The following MYOM2 variants were observed in gnomAD, a reference collection of about 807,000 sequenced individuals.
The protein encoded by MYOM2 is myomesin 2, also known as myomesin-2.
A neutral mutation model predicts 187.6 loss-of-function variants in MYOM2; 254 were observed. The ratio of observed to expected loss-of-function variants is 1.35; its 90% CI spans 1.22 to 1.50. MYOM2 has a LOEUF of 1.50. Among genes scored for constraint, MYOM2 ranks in the 40% most tolerant of loss-of-function variants. The pLI, the probability that MYOM2 is intolerant of heterozygous loss-of-function variation, is 0.00. For missense variants in MYOM2, 2,796 were observed against 1,924.0 expected (o/e 1.45, Z -8.48); for synonymous variants, 981 against 753.8 (o/e 1.30, Z -4.94).
intron 10 of MYOM2, among the ~76,000 whole-genome samples, chr8:2,075,917 T>G (rs1188569964): frequency 6.6e-6 from 1 of 152,242 alleles, no homozygotes; most frequent in East Asian, 1.9e-4. Flanking sequence ...ACTCAGTGTT[T>G]TATCAAGGAT....
intron 25 of MYOM2, among the ~76,000 whole-genome samples, chr8:2,114,094 T>C (rs915430207): frequency 2.0e-5 from 3 of 152,202 alleles, no homozygotes; most frequent in African/African-American, 4.8e-5. Flanking sequence ...GAAGTCTCCC[T>C]TGGAGCCAGT....
Position 2,106,544 on chromosome 8 carries a change from T to G in MYOM2, c.2945T>G (p.Val982Gly), listed in dbSNP as rs754812111. 3.7e-6 allele frequency: 6 copies of G among 1,612,122 alleles called. No homozygotes were observed. In the Admixed American group the frequency reaches 6.7e-5, roughly 18 times the overall value. The change falls in exon 23 of 37, where the codon GTG becomes GGG. Residue 982 changes from valine to glycine, a missense_variant. Transcript: ENST00000262113. ...PDKEDLGTYS[V>G]SVSDTDGVSS... is the part of the protein sequence containing the mutation. ...AAGGAGGATTTAGGGACTTACTCCGTGTCTGTAAGTGATACAGACGGAGTG... is the reference window on the plus strand; with the variant it reads ...AAGGAGGATTTAGGGACTTACTCCGGGTCTGTAAGTGATACAGACGGAGTG...
Position 2,128,087 on chromosome 8 carries a change from T to A in MYOM2, c.3695-1040T>A, listed in dbSNP as rs539402468. ...ATTAACATTCACTTTAAAAAATAAT[T>A]ACTTATTATTTCATGGAACCACATA... is the stretch of plus-strand genomic sequence containing the variant. On this transcript the variant is annotated intron_variant, in intron 31 of 36. Coordinates refer to ENST00000262113, the MANE Select transcript of MYOM2 (RefSeq NM_003970.4). Among the ~76,000 whole-genome samples the A allele has an allele frequency of 1.5e-4, 23 of 152,312 alleles. No individual in the cohort carries two copies. The South Asian group carries it at 4.3e-3, about 29-fold the overall frequency.
At chr8:2,131,643 C>CTTTT (rs5888888) in intron 32 of MYOM2, among the ~76,000 whole-genome samples, 1 of 113,948 alleles carries the variant, frequency 8.8e-6, no homozygotes. Flanking sequence ...GCATTTCTTT[C>CTTTT]TTTTTTTTTT....
intron 3 of MYOM2, among the ~76,000 whole-genome samples, 170 bp downstream of exon 3, chr8:2,052,483 T>A (rs1265678946): frequency 6.6e-6 from 1 of 152,206 alleles, no homozygotes; most frequent in Non-Finnish European, 1.5e-5. Context: ...CCTGCTTCTC[T>A]TTACCATCAT....
chr8:2,125,744 A>G (rs1015968077), intron 31 of MYOM2, among the ~76,000 whole-genome samples: 3 of 149,302 alleles, frequency 2.0e-5, no homozygotes, highest in African/African-American at 7.4e-5. Flanking sequence ...AGTAGCTGGG[A>G]CTACAGGCAC....
Position 2,136,747 on chromosome 8 carries a change from T to C in MYOM2, c.3801-3976T>C, listed in dbSNP as rs1371272236. Among the ~76,000 whole-genome samples, 5 of 152,216 alleles carry C rather than the reference T, an allele frequency of 3.3e-5. No homozygotes were observed. The East Asian group carries it at 9.6e-4, about 29-fold the overall frequency. ...GAATGATCGCGTGAAGGTGTACCTT[T>C]TTCCCTTGTCACCTATATCAAAATA... On this transcript the variant is annotated intron_variant, in intron 32 of 36. Transcript: ENST00000262113.
At chr8:2,120,680 T>TATA in intron 28 of MYOM2, among the ~76,000 whole-genome samples, 3,095 of 48,112 alleles carry the variant, frequency 0.064, 379 homozygotes, top group African/African-American at 0.098. Flanking sequence ...ATATATTATA[T>TATA]TATATATAAA....
intron 27 of MYOM2, among the ~76,000 whole-genome samples, chr8:2,117,511 G>A (rs916782098): frequency 7.2e-5 from 11 of 151,960 alleles, no homozygotes; most frequent in African/African-American, 1.5e-4. Context: ...CCATGTTGTC[G>A]AATGTTCAGT....
At chr8:2,066,812 T>C (rs1819034692) in intron 6 of MYOM2, among the ~76,000 whole-genome samples, 1 of 152,262 alleles carries the variant, frequency 6.6e-6, no homozygotes, top group Non-Finnish European at 1.5e-5. Flanking sequence ...TTACACACAC[T>C]GTTGCTTTGC....
intron 32 of MYOM2, among the ~76,000 whole-genome samples, chr8:2,135,096 T>G (rs73657752): frequency 0.13 from 19,737 of 152,098 alleles, 2,172 homozygotes; most frequent in African/African-American, 0.28. Flanking sequence ...GTTCCTTTCC[T>G]GAGCTGTAAA....
chr8:2,057,402 C>A lies in MYOM2; in HGVS notation c.318C>A (p.Ser106Arg), dbSNP rs145819260. The A allele has an allele frequency of 6.2e-7, 1 of 1,613,898 alleles. No homozygotes were observed. Among genetic ancestry groups the A allele is most frequent in the Non-Finnish European group, 8.5e-7 (1 of 1,179,944 alleles). ...YGEAKRQRFLSELAHLEEDVH... is the reference protein window; with the variant it reads ...YGEAKRQRFLRELAHLEEDVH... The stretch of plus-strand genomic sequence containing the variant: ...AGGCCAAGCGACAGCGCTTCCTCAG[C>A]GAGCTGGCCCACTTGGAGGAGGATG... The change falls in exon 4 of 37, where the codon AGC becomes AGA. Residue 106 changes from serine (S) to arginine (R), a missense_variant. Transcript: ENST00000262113.
chr8:2,122,389 G>A (rs1361849570), intron 28 of MYOM2, among the ~76,000 whole-genome samples: 1 of 152,220 alleles, frequency 6.6e-6, no homozygotes, highest in Admixed American at 6.5e-5. Context: ...TTGGGGACAA[G>A]TGTTAGTGAA....
At chr8:2,096,527 G>C (rs1796492278) in intron 18 of MYOM2, 93 bp downstream of exon 18, 1 of 1,179,588 alleles carries the variant, frequency 8.5e-7, no homozygotes, top group East Asian at 2.5e-5. Flanking sequence ...TAGATAGTTT[G>C]ATACAGACAC....
chr8:2,103,709 G>T (rs773574533), intron 21 of MYOM2, among the ~76,000 whole-genome samples: 22 of 144,678 alleles, frequency 1.5e-4, no homozygotes, highest in Non-Finnish European at 2.4e-4. Context: ...GAGTGTGCAT[G>T]TATTAGTGTA....
At chr8:2,096,031 A>G (rs1796470191) in intron 17 of MYOM2, among the ~76,000 whole-genome samples, 1 of 152,214 alleles carries the variant, frequency 6.6e-6, no homozygotes, top group Admixed American at 6.5e-5. Context: ...ATACATATAT[A>G]TGAGATAAAT....
chr8:2,118,096 GCTTTTGGGTCCTGTGGA>G (rs1797308638), intron 28 of MYOM2, 144 bp downstream of exon 28: 2 of 622,510 alleles, frequency 3.2e-6, no homozygotes, highest in South Asian at 4.7e-5. Context: ...GGGCGGAGTG[GCTTTTGGGTCCTGTGGA>G]CTTTTTAATA....
At chr8:2,121,562 C>T (rs1797458816) in intron 28 of MYOM2, among the ~76,000 whole-genome samples, 1 of 152,126 alleles carries the variant, frequency 6.6e-6, no homozygotes, top group African/African-American at 2.4e-5. Flanking sequence ...CCCTGTCAAG[C>T]CTGTGATTCG....
In MYOM2 at chr8:2,085,668, G is replaced by A. The variant is rs192227514; in HGVS notation, c.1644+278G>A. On this transcript the variant is annotated intron_variant, in intron 14 of 36. Coordinates refer to ENST00000262113, the MANE Select transcript of MYOM2 (RefSeq NM_003970.4). ...GGCCCCCCACTGTCGTGATCTCTGC[G>A]TGGCCCCACTGTCGTGATCTCTGCG... Among the ~76,000 whole-genome samples, 47 of 7,556 alleles carry A rather than the reference G, an allele frequency of 6.2e-3. 22 individuals carry two copies. The highest frequency in any genetic ancestry group is 8.8e-3 in the Non-Finnish European group (41 of 4,640). 5.0% of individuals were successfully genotyped at this position (7,556 alleles called of 152,430 possible).
Sources: allele counts gnomAD v4.1 joint callset (sites outside exome capture counted in the v4.1 genomes callset), GRCh38; gene constraint gnomAD v4.1.1; transcripts MANE v1.5; gene names NCBI Gene and HGNC (gene_info 2026-07-23, HGNC 2026-07-21).